CR1: variants seen among roughly 807,000 people sequenced by gnomAD.
CR1 encodes complement receptor type 1.
CR1 carries 116 observed loss-of-function variants against 187.3 expected under a neutral mutation model. That is an observed-to-expected ratio of 0.62 (90% CI 0.53 to 0.72). CR1 has a LOEUF of 0.72. CR1 is among the 30% of genes least tolerant of loss of function. CR1 has a pLI of 0.00. For synonymous variants in CR1, 576 were observed against 747.1 expected (o/e 0.77, Z 3.73); for missense variants, 1,731 against 2,110.7 (o/e 0.82, Z 3.52).
intron 32 of CR1, among the ~76,000 whole-genome samples, chr1:207,583,657 C>T (rs1282403063): frequency 6.6e-6 from 1 of 152,098 alleles, no homozygotes; most frequent in East Asian, 1.9e-4. Flanking sequence ...CATATGAATA[C>T]TTTGCCTTAA....
chr1:207,497,964 C>G (rs1474056221), intron 1 of CR1, among the ~76,000 whole-genome samples: 1 of 152,110 alleles, frequency 6.6e-6, no homozygotes, highest in Non-Finnish European at 1.5e-5. Context: ...AGCTCTGCAC[C>G]CAAAGTGTAT....
chr1:207,596,335 C>T (rs914407174), intron 35 of CR1, among the ~76,000 whole-genome samples: 6 of 151,988 alleles, frequency 3.9e-5, no homozygotes, highest in Non-Finnish European at 5.9e-5. Flanking sequence ...TTAAAGTGGC[C>T]GGGCGCTGTG....
intron 46 of CR1, among the ~76,000 whole-genome samples, chr1:207,635,800 C>T (rs986245333): frequency 6.6e-6 from 1 of 152,132 alleles, no homozygotes; most frequent in Non-Finnish European, 1.5e-5. Flanking sequence ...GTTTTGTGTC[C>T]CTGGGTACTT....
At chr1:207,513,495 C>A (rs950661324) in intron 4 of CR1, among the ~76,000 whole-genome samples, 1 of 152,166 alleles carries the variant, frequency 6.6e-6, no homozygotes, top group Non-Finnish European at 1.5e-5. Flanking sequence ...CTGTGCCTCA[C>A]CAGCTCTATC....
intron 35 of CR1, among the ~76,000 whole-genome samples, chr1:207,596,922 A>G (rs1323596028): frequency 6.7e-6 from 1 of 148,512 alleles, no homozygotes; most frequent in African/African-American, 2.4e-5. Flanking sequence ...GTAAAGTACT[A>G]TTTTCTCTTT....
intron 1 of CR1, among the ~76,000 whole-genome samples, chr1:207,504,104 G>A (rs1430208140): frequency 2.0e-5 from 3 of 152,174 alleles, no homozygotes; most frequent in South Asian, 2.1e-4. Flanking sequence ...ATTTGTGGGC[G>A]GAAGAGGTGA....
intron 1 of CR1, among the ~76,000 whole-genome samples, chr1:207,498,027 G>A (rs1659145157): frequency 6.6e-6 from 1 of 152,210 alleles, no homozygotes; most frequent in African/African-American, 2.4e-5. Context: ...TAGGAAGCCA[G>A]CGTTCTGCTT....
chr1:207,499,150 A>C (rs1225658474), intron 1 of CR1, among the ~76,000 whole-genome samples: 1 of 152,182 alleles, frequency 6.6e-6, no homozygotes, highest in Non-Finnish European at 1.5e-5. Flanking sequence ...ATATATATGA[A>C]AAGTAAATGG....
chr1:207,515,322 A>ATATATAGTG (rs1260054848), intron 4 of CR1, among the ~76,000 whole-genome samples: 2 of 149,982 alleles, frequency 1.3e-5, no homozygotes, highest in Non-Finnish European at 3.0e-5. Context: ...ATATACACAT[A>ATATATAGTG]TATATAGTGT....
chr1:207,565,047 G>A (rs544181322), intron 23 of CR1, among the ~76,000 whole-genome samples: 1 of 149,934 alleles, frequency 6.7e-6, no homozygotes, highest in African/African-American at 2.5e-5. Flanking sequence ...AGCTGGGGTC[G>A]TGATGGCTGC....
chr1:207,580,416 G>A lies in CR1; in HGVS notation c.5113G>A (p.Val1705Met), dbSNP rs746159596. The A allele has an allele frequency of 6.2e-7, 1 of 1,613,580 alleles. No homozygotes were observed. Among genetic ancestry groups the A allele is most frequent in the East Asian group, 2.2e-5 (1 of 44,870 alleles). Residue 1705 changes from valine (V) to methionine (M), a missense_variant and splice_region_variant, in exon 30 of 47, where the codon GTG (valine) becomes ATG (methionine). This residue lies in a region of CR1 where 1,312 missense variants were observed against 1,379.6 expected (regional missense o/e 0.95). Coordinates refer to ENST00000367049, the MANE Select transcript of CR1 (RefSeq NM_000651.6). The part of the protein sequence containing the change: ...DWSPEAPRCA[V>M]KSCDDFLGQL... ...GAGCCCTGAAGCCCCGAGATGTGCA[G>A]GTGCCTCAACTCTCTGGCTTCCAGA...
At chr1:207,621,893 G>T in intron 43 of CR1, 80 bp from the exon 44 acceptor site, 1 of 1,177,888 alleles carries the variant, frequency 8.5e-7, no homozygotes, top group South Asian at 1.5e-5. Context: ...AAATCAGGAT[G>T]ACTTGTCACT....
chr1:207,618,663 A>G (rs1662218758), intron 42 of CR1, among the ~76,000 whole-genome samples: 1 of 152,222 alleles, frequency 6.6e-6, no homozygotes, highest in Admixed American at 6.5e-5. Context: ...TTTTGAGACT[A>G]TTACAACTGA....
rs1372885484 is a variant in CR1 at position 207,617,505 on chromosome 1, A to ATGTGTGTGTGTGTG, written c.6890-565_6890-564insGTGTGTGTGTGTGT. 4.9e-5 allele frequency among the ~76,000 whole-genome samples: 2 copies of ATGTGTGTGTGTGTG among 40,870 alleles called. 1 individual carries two copies. Among genetic ancestry groups the ATGTGTGTGTGTGTG allele is most frequent in the African/African-American group, 1.5e-4 (2 of 12,956 alleles). 26.8% of individuals were successfully genotyped at this position (40,870 alleles called of 152,430 possible). A position where few individuals can be genotyped will look rare whatever the true frequency, so the allele number is the denominator to read the frequency against. ...AAAGTATATATATATATATATATATATATGTGTGTGTGTGTGTGTGTGTGT... is the reference window on the plus strand; with the variant it reads ...AAAGTATATATATATATATATATATATGTGTGTGTGTGTGTATGTGTGTGTGTGTGTGTGTGTGT... On this transcript the variant is annotated intron_variant, in intron 41 of 46. Transcript: ENST00000367049.
intron 42 of CR1, among the ~76,000 whole-genome samples, chr1:207,619,244 A>G (rs1346059415): frequency 1.3e-5 from 2 of 150,972 alleles, no homozygotes; most frequent in Admixed American, 1.3e-4. Flanking sequence ...TTAATCAGGC[A>G]TGGTGGTACA....
At chr1:207,612,948 T>C (rs374878660) in intron 39 of CR1, among the ~76,000 whole-genome samples, 2 of 152,244 alleles carry the variant, frequency 1.3e-5, no homozygotes, top group African/African-American at 4.8e-5. Context: ...CAGATGACAG[T>C]GTGCTTAACA....
Position 207,580,373 on chromosome 1 carries a change from C to T in CR1, c.5070C>T (p.Cys1690=). The part of the protein sequence containing the change: ...YDLRGAASLH[C]TPQGDWSPEA... ...TCAGAGGGGCTGCGTCTCTGCACTG[C>T]ACACCCCAGGGAGACTGGAGCCCTG... Residue 1690 remains cysteine (C), a synonymous_variant, in exon 30 of 47, where the codon TGC becomes TGT. Transcript: ENST00000367049. 3.7e-6 allele frequency: 6 copies of T among 1,614,008 alleles called. No homozygotes were observed. The highest frequency in any genetic ancestry group is 5.1e-6 in the Non-Finnish European group (6 of 1,179,868).
rs1662114460 is a variant in CR1 at position 207,616,817 on chromosome 1, C to T, written c.6889+15C>T. 1 of 1,613,116 alleles carries T rather than the reference C, an allele frequency of 6.2e-7. No homozygotes were observed. Among genetic ancestry groups the T allele is most frequent in the South Asian group, 1.1e-5 (1 of 91,014 alleles). ...TGTTCCTGCTGGTTAGTACCTGCTTCCACATATCCTAAATGGGTTCAGAAT... is the reference window on the plus strand; with the variant it reads ...TGTTCCTGCTGGTTAGTACCTGCTTTCACATATCCTAAATGGGTTCAGAAT... On this transcript the variant is annotated intron_variant, in intron 41 of 46. Transcript: ENST00000367049.
At chr1:207,591,904 G>A (rs754665551) in intron 35 of CR1, among the ~76,000 whole-genome samples, 1 of 152,078 alleles carries the variant, frequency 6.6e-6, no homozygotes, top group South Asian at 2.1e-4. Flanking sequence ...GGAAGAAGTC[G>A]AATCCCTGAA....
Sources: allele counts gnomAD v4.1 joint callset (sites outside exome capture counted in the v4.1 genomes callset), GRCh38; gene constraint gnomAD v4.1.1; regional missense constraint gnomAD v4.1.1; transcripts MANE v1.5; gene names NCBI Gene and HGNC (gene_info 2026-07-23, HGNC 2026-07-21).